Variants in OVCH2 observed in about 807,000 individuals in gnomAD.
OVCH2 encodes ovochymase-2.
A neutral mutation model predicts 73.7 loss-of-function variants in OVCH2; 88 were observed. The observed-to-expected ratio is 1.19, with a 90% CI of 1.01 to 1.43. The LOEUF is 1.43. Among genes scored for constraint, OVCH2 ranks in the 40% most tolerant of loss-of-function variants. OVCH2 has a pLI of 0.00. For synonymous variants in OVCH2, 265 were observed against 234.5 expected, an observed-to-expected ratio of 1.13 and a Z score of -1.19; for missense variants, 706 against 674.5, an observed-to-expected ratio of 1.05 and a Z score of -0.52.
chr11:7,682,140 G>C, the OVCH2 span, among the ~76,000 whole-genome samples: 1 of 152,174 alleles, frequency 6.6e-6, no homozygotes, highest in South Asian at 2.1e-4. Context: ...GCATTACAAT[G>C]AAACATCATT....
At chr11:7,691,599 C>G (rs1047705994) in intron 13 of OVCH2, among the ~76,000 whole-genome samples, 199 bp from the exon 14 acceptor site, 1 of 152,232 alleles carries the variant, frequency 6.6e-6, no homozygotes, top group African/African-American at 2.4e-5. Context: ...CCTGAACACT[C>G]CCACACACAA....
chr11:7,703,055 C>T (rs1488597694), intron 3 of OVCH2, among the ~76,000 whole-genome samples: 1 of 152,168 alleles, frequency 6.6e-6, no homozygotes. Context: ...TCTCTGGGGG[C>T]AGAAATCATG....
Position 7,691,363 on chromosome 11 carries a change from C to T in OVCH2, c.1545G>A (p.Leu515=), listed in dbSNP as rs886513013. Residue 515 remains leucine, a synonymous_variant, in exon 14 of 16, where the codon CTG becomes CTA. Coordinates refer to ENST00000533663, the MANE Select transcript of OVCH2 (RefSeq NM_198185.7). ...LCGYDVPTPV[L]SPSSIMLISF... ...TGATGAGCATGATGCTGGAGGGGCT[C>T]AGCACAGGGGTGGGGACATCATAGC... The T allele has an allele frequency of 1.1e-5, 17 of 1,613,654 alleles. No homozygotes were observed. In the African/African-American group the frequency reaches 2.0e-4, roughly 19 times the overall value.
intron 8 of OVCH2, chr11:7,697,022 C>T (rs1856350004): frequency 7.7e-5 from 6 of 77,726 alleles, no homozygotes; most frequent in Non-Finnish European, 6.7e-5. Flanking sequence ...CTTAACTCTT[C>T]TCTCTCTTTT....
chr11:7,701,689 T>A, intron 5 of OVCH2, 27 bp downstream of exon 5: 2 of 1,596,248 alleles, frequency 1.3e-6, no homozygotes, highest in South Asian at 2.3e-5. Context: ...GACCTCTGCT[T>A]AAGAGGAATG....
chr11:7,694,803 C>CCTT (rs1856294125), intron 12 of OVCH2, among the ~76,000 whole-genome samples: 1 of 108,390 alleles, frequency 9.2e-6, no homozygotes, highest in Non-Finnish European at 1.7e-5. Context: ...TAAAGCGGCA[C>CCTT]TTTTTTTTTT....
the OVCH2 span, among the ~76,000 whole-genome samples, chr11:7,683,016 T>C: frequency 6.6e-6 from 1 of 152,218 alleles, no homozygotes; most frequent in Non-Finnish European, 1.5e-5. Flanking sequence ...CAGTCAATGC[T>C]CCTCATTTCC....
At chr11:7,686,105 A>G (rs1856139223), downstream of OVCH2, among the ~76,000 whole-genome samples, 1 of 152,234 alleles carries the variant, frequency 6.6e-6, no homozygotes, top group African/African-American at 2.4e-5. Flanking sequence ...TATTGGAGAT[A>G]CTTACACCGA....
chr11:7,692,154 G>C (rs1565166243), intron 12 of OVCH2, among the ~76,000 whole-genome samples, 159 bp from the exon 13 acceptor site: 3 of 152,314 alleles, frequency 2.0e-5, no homozygotes, highest in East Asian at 3.9e-4. Context: ...ACCAAGGGAA[G>C]GATTCTATAT....
chr11:7,694,140 G>A (rs577953678), intron 12 of OVCH2, among the ~76,000 whole-genome samples: 148 of 151,884 alleles, frequency 9.7e-4, no homozygotes, highest in African/African-American at 3.5e-3. Flanking sequence ...TCTCTCCATC[G>A]TACACTGTCT....
At position 7,701,395 on chromosome 11, in the gene OVCH2, G is replaced by A. The variant is rs2136161011; in HGVS notation, c.640C>T (p.Leu214=). The change falls in exon 6 of 16, where the codon CTA becomes TTA. Residue 214 remains leucine, a synonymous_variant. Transcript: ENST00000533663. The part of the protein sequence containing the change: ...WEECVAALLT[L]KRPISGKTFL... ...GTCTTCCCACTGATGGGCCTCTTTA[G>A]TGTTAACAGAGCTGCCACACACTCT... 1.2e-6 allele frequency: 2 copies of A among 1,613,128 alleles called. No individual in the cohort carries two copies. Among genetic ancestry groups the A allele is most frequent in the South Asian group, 2.2e-5 (2 of 90,796 alleles).
intron 12 of OVCH2, among the ~76,000 whole-genome samples, chr11:7,694,184 T>C (rs1856276102): frequency 6.6e-6 from 1 of 152,208 alleles, no homozygotes; most frequent in African/African-American, 2.4e-5. Flanking sequence ...GAAAGATCTA[T>C]GAGAAAATGC....
chr11:7,694,612 GT>G (rs71962313), intron 12 of OVCH2, among the ~76,000 whole-genome samples: 57,343 of 105,668 alleles, frequency 0.54, 11,004 homozygotes, highest in East Asian at 0.6. Flanking sequence ...CAAAGTTTTT[GT>G]TTTGTTTTGT....
At chr11:7,689,736 A>C (rs1168947371) in intron 15 of OVCH2, 134 bp from the exon 16 acceptor site, 1 of 674,584 alleles carries the variant, frequency 1.5e-6, no homozygotes, top group East Asian at 2.8e-5. Flanking sequence ...GCCCAGGCTA[A>C]TAACCTCATT....
chr11:7,704,417 A>G (rs1016442277), intron 2 of OVCH2, 148 bp downstream of exon 2: 21 of 578,632 alleles, frequency 3.6e-5, no homozygotes, highest in Middle Eastern at 3.5e-4. Flanking sequence ...ACTTTTTCTT[A>G]TGACATTCAT....
rs544787543 is a variant in OVCH2 at position 7,697,250 on chromosome 11, A to G, written c.926-451T>C. ...GAGACAGAGTCTCACTTTGTTGCCTAGGCTTGGTCTTGAACTCCTGGACTC... is the reference window on the plus strand; with the variant it reads ...GAGACAGAGTCTCACTTTGTTGCCTGGGCTTGGTCTTGAACTCCTGGACTC... On this transcript the variant is annotated intron_variant, in intron 8 of 15. Transcript: ENST00000533663. Among the ~76,000 whole-genome samples the G allele has an allele frequency of 6.6e-5, 10 of 152,246 alleles. No individual in the cohort carries two copies. In the South Asian group the frequency reaches 1.9e-3, roughly 28 times the overall value.
intron 12 of OVCH2, among the ~76,000 whole-genome samples, chr11:7,693,080 G>A (rs917709947): frequency 3.3e-5 from 5 of 152,214 alleles, no homozygotes; most frequent in African/African-American, 1.2e-4. Context: ...AATAAAGAGT[G>A]ATCTTGGAGC....
rs369100354 is a variant in OVCH2, at chr11:7,701,335, C to G, written c.700G>C (p.Asp234His). ...LCTGFPDGGR[D>H]ACQGDSGGSL... ...CAGCTCCCACCCACCTGACATGCGT[C>G]TCTCCCTCCATCAGGAAAACCTGTG... The change falls in exon 6 of 16, where the codon GAC (aspartate) becomes CAC (histidine). Residue 234 changes from aspartate to histidine, a missense_variant. By Grantham distance (81) the Asp-to-His change is moderately conservative. Transcript: ENST00000533663. 2 of 1,612,198 alleles carry G rather than the reference C, an allele frequency of 1.2e-6. No homozygotes were observed. The highest frequency in any genetic ancestry group is 2.7e-5 in the African/African-American group (2 of 74,886).
intron 7 of OVCH2, chr11:7,699,441 T>G (rs1856394223): frequency 6.6e-6 from 1 of 152,310 alleles, no homozygotes; most frequent in Non-Finnish European, 1.5e-5. Context: ...CCTAGGCATG[T>G]CTTCCCCTAT....
Sources: gnomAD v4.1 joint callset for allele counts (sites outside exome capture counted in the v4.1 genomes callset) on GRCh38, gnomAD v4.1.1 for gene constraint, MANE v1.5 for transcripts, NCBI Gene and HGNC (gene_info 2026-07-23, HGNC 2026-07-21) for gene names.